Variants in CHIC2 observed in about 807,000 individuals in gnomAD.
The protein encoded by CHIC2 is cysteine-rich hydrophobic domain-containing protein 2.
In CHIC2, 14 loss-of-function variants were observed where a neutral mutation model predicts 25.9. The ratio of observed to expected loss-of-function variants is 0.54; its 90% CI spans 0.36 to 0.85. The LOEUF (loss-of-function observed/expected upper bound fraction) is 0.85. Ranked by LOEUF, CHIC2 falls within the 40% of genes least tolerant of loss-of-function variation. The pLI, the probability that CHIC2 is intolerant of heterozygous loss-of-function variation, is 0.01. For synonymous variants in CHIC2, 70 were observed against 72.0 expected (o/e 0.97, Z 0.14); for missense variants, 146 against 202.0 (o/e 0.72, Z 1.68).
At chr4:54,064,747 G>T, upstream of CHIC2, 1 of 694,416 alleles carries the variant, frequency 1.4e-6, no homozygotes, top group Non-Finnish European at 1.8e-6. The surrounding 1 kb of genome is among the most constrained non-coding windows in gnomAD (Gnocchi z 4.2). Flanking sequence ...GCGCACGTGC[G>T]GCCTCGCGCG....
chr4:54,038,126 CCTA>C (rs1310471438), intron 3 of CHIC2, among the ~76,000 whole-genome samples: 2 of 152,032 alleles, frequency 1.3e-5, no homozygotes, highest in Non-Finnish European at 2.9e-5. Context: ...TATTAGAACT[CCTA>C]CACTGTGAAA....
At chr4:54,038,856 C>T (rs1716476521) in intron 3 of CHIC2, among the ~76,000 whole-genome samples, 1 of 151,320 alleles carries the variant, frequency 6.6e-6, no homozygotes, top group Non-Finnish European at 1.5e-5. Flanking sequence ...ACCCTGTCTC[C>T]TTTTTAATTA....
intron 3 of CHIC2, among the ~76,000 whole-genome samples, chr4:54,044,596 C>A (rs928597735): frequency 5.4e-4 from 82 of 151,960 alleles, no homozygotes; most frequent in African/African-American, 1.8e-3. Context: ...CCTTTGAAAC[C>A]AATGAGAACA....
chr4:54,083,318 A>T, the CHIC2 span, among the ~76,000 whole-genome samples: 335 of 152,170 alleles, frequency 2.2e-3, 1 homozygote, highest in Non-Finnish European at 3.4e-3. Context: ...CCCAACTCCA[A>T]TCTCAATTTC....
the CHIC2 span, chr4:54,087,088 G>A: frequency 9.8e-7 from 1 of 1,020,370 alleles, no homozygotes; most frequent in Non-Finnish European, 1.5e-6. Context: ...CCTCTCTCAG[G>A]AAGATGTGGG....
At chr4:54,013,734 C>T in intron 5 of CHIC2, 103 bp downstream of exon 5, 3 of 1,155,270 alleles carry the variant, frequency 2.6e-6, no homozygotes, top group South Asian at 2.8e-5. Context: ...GGAGATTAAG[C>T]TCCTGACACC....
At chr4:54,072,003 A>G in the CHIC2 span, among the ~76,000 whole-genome samples, 1 of 149,274 alleles carries the variant, frequency 6.7e-6, no homozygotes, top group Non-Finnish European at 1.5e-5. Context: ...CCTATAAAGT[A>G]TCTAATTTAG....
intron 3 of CHIC2, among the ~76,000 whole-genome samples, chr4:54,031,356 T>C (rs1716223056): frequency 6.6e-6 from 1 of 152,018 alleles, no homozygotes; most frequent in African/African-American, 2.4e-5. Context: ...CTTCTTCTTA[T>C]TAGTAAGCAC....
rs541117519 is a variant in CHIC2 at position 54,017,213 on chromosome 4, A to C, written c.331-3094T>G. ...TGCTAACTGTGGACAAGCAAATCTA[A>C]TCATATAACAACCTGTCCTTGGTTT... On this transcript the variant is annotated intron_variant, in intron 3 of 5. Transcript: ENST00000263921. Among the ~76,000 whole-genome samples, 18 of 152,294 alleles carry C rather than the reference A, an allele frequency of 1.2e-4. No individual in the cohort carries two copies. In the South Asian group the frequency reaches 3.7e-3, roughly 32 times the overall value.
chr4:54,066,256 A>G (rs1399221816), upstream of CHIC2, among the ~76,000 whole-genome samples: 1 of 152,146 alleles, frequency 6.6e-6, no homozygotes, highest in African/African-American at 2.4e-5. Flanking sequence ...TACCTGCCCC[A>G]TTGGGATGCT....
intron 3 of CHIC2, among the ~76,000 whole-genome samples, chr4:54,040,403 C>T (rs1441292678): frequency 6.6e-6 from 1 of 151,746 alleles, no homozygotes; most frequent in Non-Finnish European, 1.5e-5. Flanking sequence ...CCCGTCTCTA[C>T]CAAAAATATA....
chr4:54,053,749 T>G (rs925404951), intron 1 of CHIC2, among the ~76,000 whole-genome samples: 1 of 152,104 alleles, frequency 6.6e-6, no homozygotes, highest in African/African-American at 2.4e-5. Context: ...AGAGCTATTT[T>G]TCAGAAATGT....
intron 5 of CHIC2, among the ~76,000 whole-genome samples, chr4:54,010,626 GAGA>G (rs1045510396): frequency 1.3e-5 from 2 of 152,218 alleles, no homozygotes; most frequent in Middle Eastern, 3.4e-3. Context: ...TGATGATCCA[GAGA>G]AGTTGTATCA....
intron 5 of CHIC2, 87 bp from the exon 6 acceptor site, chr4:54,010,232 A>C (rs1277790643): frequency 1.5e-5 from 14 of 920,002 alleles, no homozygotes; most frequent in Non-Finnish European, 2.4e-5. Context: ...AATTTTTTTG[A>C]AAATCCATTC....
chr4:54,064,673 A>C, upstream of CHIC2: 1 of 1,030,566 alleles, frequency 9.7e-7, no homozygotes, highest in Non-Finnish European at 1.2e-6. This position sits in a 1 kb window ranked among gnomAD's most constrained non-coding sequence, Gnocchi z 4.2. Flanking sequence ...TCCCGGGCCA[A>C]CGGGCGGGCG....
At chr4:54,091,314 C>T in the CHIC2 span, among the ~76,000 whole-genome samples, 4 of 152,186 alleles carry the variant, frequency 2.6e-5, no homozygotes, top group Non-Finnish European at 5.9e-5. Context: ...AGGCACTGGG[C>T]TGCGCCCGTA....
intron 1 of CHIC2, among the ~76,000 whole-genome samples, chr4:54,058,892 T>C (rs1238710021): frequency 6.6e-6 from 1 of 152,132 alleles, no homozygotes; most frequent in Non-Finnish European, 1.5e-5. Context: ...TTACATATAA[T>C]TTACTTTTCA....
intron 3 of CHIC2, among the ~76,000 whole-genome samples, chr4:54,035,105 G>A (rs1716343412): frequency 1.3e-5 from 2 of 152,146 alleles, no homozygotes; most frequent in South Asian, 2.1e-4. Context: ...GGCCATGTGT[G>A]TCTTTCTTTT....
chr4:54,016,227 T>G lies in CHIC2; in HGVS notation c.331-2108A>C, dbSNP rs1577962182. Among the ~76,000 whole-genome samples the G allele has an allele frequency of 4.6e-5, 7 of 152,228 alleles. No homozygotes were observed. In the South Asian group the frequency reaches 1.4e-3, roughly 32 times the overall value. ...GCTTAATACTACATTCTGCAAATAC[T>G]TATTACTTAAAGAAAAAAATGTAGT... On this transcript the variant is annotated intron_variant, in intron 3 of 5. Coordinates refer to ENST00000263921, the MANE Select transcript of CHIC2 (RefSeq NM_012110.4).
Sources: allele counts gnomAD v4.1 joint callset (sites outside exome capture counted in the v4.1 genomes callset), GRCh38; gene constraint gnomAD v4.1.1; non-coding constraint Gnocchi (gnomAD v3.1); transcripts MANE v1.5; gene names NCBI Gene and HGNC (gene_info 2026-07-23, HGNC 2026-07-21).